Variants in LIMS2 observed in about 807,000 individuals in gnomAD.
LIMS2 encodes the protein LIM and senescent cell antigen-like-containing domain protein 2.
LIMS2 carries 30 observed loss-of-function variants against 45.3 expected under a neutral mutation model. The ratio of observed to expected loss-of-function variants is 0.66; its 90% confidence interval spans 0.50 to 0.90. LIMS2 has a LOEUF of 0.90. Among genes scored for constraint, LIMS2 ranks in the 40% least tolerant of loss-of-function variants. LIMS2 has a pLI of 0.00. For synonymous variants in LIMS2, 173 were observed against 188.0 expected, an observed-to-expected ratio of 0.92 and a Z score of 0.65; for missense variants, 485 against 468.7, an observed-to-expected ratio of 1.03 and a Z score of -0.32.
At chr2:127,640,756 G>A (rs1039952187) in intron 7 of LIMS2, 140 bp downstream of exon 7, 34 of 717,288 alleles carry the variant, frequency 4.7e-5, no homozygotes, top group Non-Finnish European at 7.5e-5. Flanking sequence ...CCCAGGCCAG[G>A]AGCCAGGGCT....
In LIMS2 at chr2:127,654,910, G is replaced by A. The variant is rs763611955; in HGVS notation, c.172-14C>T. On this transcript the variant is annotated splice_polypyrimidine_tract_variant and intron_variant, in intron 2 of 9. Transcript: ENST00000355119. Reference sequence around the variant, plus strand: ...CCGGCCTTCAAACTGCAAAGGGGTCGCAGAGAGAGGACAAGCAAACCACCT... The same window carrying A: ...CCGGCCTTCAAACTGCAAAGGGGTCACAGAGAGAGGACAAGCAAACCACCT... The A allele has an allele frequency of 2.4e-5, 38 of 1,612,302 alleles. No homozygotes were observed. Among genetic ancestry groups the A allele is most frequent in the South Asian group, 8.8e-5 (8 of 90,868 alleles).
intron 1 of LIMS2, among the ~76,000 whole-genome samples, chr2:127,659,069 C>T (rs761474978): frequency 2.0e-5 from 3 of 151,946 alleles, no homozygotes; most frequent in Non-Finnish European, 4.4e-5. Flanking sequence ...GACAGGGCTG[C>T]GCTTAGGGTC....
intron 1 of LIMS2, among the ~76,000 whole-genome samples, chr2:127,665,721 A>T (rs1342840773): frequency 6.6e-6 from 1 of 152,218 alleles, no homozygotes; most frequent in Non-Finnish European, 1.5e-5. Flanking sequence ...AGTCAATGCC[A>T]TAGGGCCTAG....
chr2:127,641,061 G>A (rs1212899445), intron 6 of LIMS2, 73 bp from the exon 7 acceptor site: 2 of 1,236,202 alleles, frequency 1.6e-6, no homozygotes, highest in South Asian at 1.2e-5. Flanking sequence ...GGTGACCCGG[G>A]GACAACAGTG....
intron 4 of LIMS2, chr2:127,649,974 C>T (rs768792400): frequency 2.2e-5 from 34 of 1,574,006 alleles, no homozygotes; most frequent in African/African-American, 6.8e-5. Flanking sequence ...TACCCAGGCA[C>T]AGGCTTCTCC....
Position 127,675,191 on chromosome 2 carries a change from A to T in LIMS2, c.-167T>A. ...CGCGAGAGGGGTGGGCGGGGGTGGCAGGGTGGGGCCCGCGGGGCGGGGTGG... is the reference window on the plus strand; with the variant it reads ...CGCGAGAGGGGTGGGCGGGGGTGGCTGGGTGGGGCCCGCGGGGCGGGGTGG... On this transcript the variant is annotated 5_prime_UTR_variant, in exon 1 of 10. Coordinates refer to ENST00000355119, the MANE Select transcript of LIMS2 (RefSeq NM_001161403.3). The T allele has an allele frequency of 1.3e-3, 131 of 100,800 alleles. No individual in the cohort carries two copies. Among genetic ancestry groups the T allele is most frequent in the East Asian group, 5.0e-3 (15 of 2,988 alleles). The allele number at this position is 100,800 out of a possible 1,614,324, so 6.2% of individuals were successfully genotyped here.
At chr2:127,677,579 G>T (rs1316333545), upstream of LIMS2, among the ~76,000 whole-genome samples, 1 of 152,086 alleles carries the variant, frequency 6.6e-6, no homozygotes, top group East Asian at 1.9e-4. The surrounding 1 kb of genome is among the most constrained non-coding windows in gnomAD (Gnocchi z 5.0). Flanking sequence ...GAAGACCAGT[G>T]GGTCTGGAAA....
At chr2:127,668,693 A>T (rs1178435739) in intron 1 of LIMS2, among the ~76,000 whole-genome samples, 3 of 134,526 alleles carry the variant, frequency 2.2e-5, no homozygotes, top group South Asian at 2.2e-4. Flanking sequence ...AAAAAAAAAA[A>T]AAAAAAAAAA....
At chr2:127,670,441 C>T (rs933323702) in intron 1 of LIMS2, among the ~76,000 whole-genome samples, 5 of 152,112 alleles carry the variant, frequency 3.3e-5, no homozygotes, top group African/African-American at 9.7e-5. Context: ...TCTGTAGAGA[C>T]AGAAGGCAGG....
chr2:127,664,255 G>C lies in LIMS2; in HGVS notation c.12-6693C>G. 2 of 1,218,244 alleles carry C rather than the reference G, an allele frequency of 1.6e-6. No homozygotes were observed. Among genetic ancestry groups the C allele is most frequent in the Non-Finnish European group, 2.0e-6 (2 of 978,646 alleles). The allele number at this position is 1,218,244 out of a possible 1,614,324, so 75.5% of individuals were successfully genotyped here. A position where few individuals can be genotyped will look rare whatever the true frequency, so the allele number is the denominator to read the frequency against. ...CCGAGGGAAGGCCTGCCCTGCCGCC[G>C]CAGCTTTCCGGCCATTGTCCCCGCC... is the stretch of plus-strand genomic sequence containing the variant. On this transcript the variant is annotated intron_variant, in intron 1 of 9. Transcript: ENST00000355119. The surrounding 1 kb of genome is among the most constrained non-coding windows in gnomAD (Gnocchi z 5.5).
chr2:127,649,385 T>C (rs773115729), intron 4 of LIMS2, among the ~76,000 whole-genome samples: 2 of 152,190 alleles, frequency 1.3e-5, no homozygotes, highest in Non-Finnish European at 2.9e-5. Context: ...CAAACCTCTC[T>C]CCAGCCTCTG....
intron 1 of LIMS2, chr2:127,673,816 GAACC>G: frequency 7.2e-7 from 1 of 1,394,816 alleles, no homozygotes; most frequent in Non-Finnish European, 9.9e-7. Flanking sequence ...AGCCCCGCTA[GAACC>G]CTAGGGGGTG....
chr2:127,659,395 C>T (rs1215962857), intron 1 of LIMS2, among the ~76,000 whole-genome samples: 2 of 152,142 alleles, frequency 1.3e-5, no homozygotes, highest in Non-Finnish European at 2.9e-5. Flanking sequence ...CGGCACCCAG[C>T]GGCTGGTCCT....
chr2:127,644,980 C>T (rs1682808883), intron 4 of LIMS2, among the ~76,000 whole-genome samples: 1 of 152,240 alleles, frequency 6.6e-6, no homozygotes, highest in Non-Finnish European at 1.5e-5. Context: ...CAGATCACAG[C>T]ATCAGATCTA....
chr2:127,678,063 G>A (rs746886635), upstream of LIMS2, among the ~76,000 whole-genome samples: 4 of 152,168 alleles, frequency 2.6e-5, no homozygotes, highest in Non-Finnish European at 5.9e-5. The surrounding 1 kb of genome is among the most constrained non-coding windows in gnomAD (Gnocchi z 5.3). Context: ...TACCGTAAAC[G>A]ATACTGAACT....
At chr2:127,641,247 G>A (rs922826764) in intron 6 of LIMS2, 5 of 423,168 alleles carry the variant, frequency 1.2e-5, no homozygotes, top group African/African-American at 6.0e-5. Flanking sequence ...CTCCTCTAAG[G>A]CACTGATGGT....
intron 2 of LIMS2, 134 bp from the exon 3 acceptor site, chr2:127,655,030 G>A (rs776091215): frequency 1.3e-5 from 11 of 830,776 alleles, no homozygotes; most frequent in South Asian, 5.8e-5. Context: ...TGAGGCTGGA[G>A]CAGTGGGTCC....
chr2:127,673,617 C>G, intron 1 of LIMS2: 3 of 1,515,126 alleles, frequency 2.0e-6, no homozygotes, highest in Non-Finnish European at 2.7e-6. Context: ...GCCCCGCACC[C>G]TTCACGGCTC....
Position 127,664,694 on chromosome 2 carries a change from G to T in LIMS2, c.12-7132C>A. On this transcript the variant is annotated intron_variant, in intron 1 of 9. Transcript: ENST00000355119. This position sits in a 1 kb window ranked among gnomAD's most constrained non-coding sequence, Gnocchi z 5.5. The stretch of plus-strand genomic sequence containing the variant: ...TGGGAAGGCCCCAGACAGCACTGAG[G>T]TGAGGTCCACAGTGGCGGCAGGACA... The T allele has an allele frequency of 3.4e-6, 3 of 872,986 alleles. No individual in the cohort carries two copies. Among genetic ancestry groups the T allele is most frequent in the African/African-American group, 1.8e-5 (1 of 55,690 alleles). 54.1% of individuals were successfully genotyped at this position (872,986 alleles called of 1,614,324 possible). A position where few individuals can be genotyped will look rare whatever the true frequency, so the allele number is the denominator to read the frequency against.
Sources: gnomAD v4.1 joint callset for allele counts (sites outside exome capture counted in the v4.1 genomes callset) on GRCh38, gnomAD v4.1.1 for gene constraint, Gnocchi (gnomAD v3.1) non-coding constraint, MANE v1.5 for transcripts, NCBI Gene and HGNC (gene_info 2026-07-23, HGNC 2026-07-21) for gene names.